The following DNAJC11 variants were observed in gnomAD, a reference collection of about 807,000 sequenced individuals.
DNAJC11 encodes dnaJ homolog subfamily C member 11.
Under a neutral mutation model 78.6 loss-of-function variants are expected in DNAJC11, and 15 were observed. The observed-to-expected ratio is 0.19, with a 90% CI of 0.13 to 0.29. DNAJC11 has a LOEUF of 0.29. Ranked by LOEUF, DNAJC11 falls within the 10% of genes least tolerant of loss-of-function variation. The pLI, the probability that DNAJC11 is intolerant of heterozygous loss-of-function variation, is 1.00. For missense variants in DNAJC11, 547 were observed against 709.6 expected (o/e 0.77, Z 2.60); for synonymous variants, 292 against 272.1 (o/e 1.07, Z -0.72).
At chr1:6,654,197 C>A (rs1363201809) in intron 4 of DNAJC11, 158 bp from the exon 5 acceptor site, 2 of 821,044 alleles carry the variant, frequency 2.4e-6, no homozygotes, top group Non-Finnish European at 3.7e-6. Flanking sequence ...GCCCACAAAG[C>A]ATGAATGTCA....
intron 3 of DNAJC11, 111 bp from the exon 4 acceptor site, chr1:6,667,921 G>C: frequency 1.0e-6 from 1 of 968,556 alleles, no homozygotes; most frequent in Admixed American, 2.0e-5. Flanking sequence ...CTGGGGTCCG[G>C]CCACAGCCTT....
chr1:6,670,886 T>C (rs376584691), intron 3 of DNAJC11: 3 of 152,340 alleles, frequency 2.0e-5, no homozygotes, highest in East Asian at 3.9e-4. Context: ...TTCCATTATC[T>C]TCTCAATCTC....
intron 3 of DNAJC11, among the ~76,000 whole-genome samples, chr1:6,669,689 G>A (rs2294528): frequency 0.3 from 44,831 of 151,930 alleles, 7,181 homozygotes; most frequent in South Asian, 0.47. Flanking sequence ...CGCACTGCAC[G>A]ATTTCTAAGG....
Position 6,634,235 on chromosome 1 carries a change from G to C in DNAJC11, c.*1440C>G, listed in dbSNP as rs1339830977. The C allele has an allele frequency of 8.9e-6, 8 of 903,824 alleles. No homozygotes were observed. Among genetic ancestry groups the C allele is most frequent in the Non-Finnish European group, 1.3e-5 (8 of 600,692 alleles). The allele number at this position is 903,824 out of a possible 1,614,324, so 56.0% of individuals were successfully genotyped here. On this transcript the variant is annotated 3_prime_UTR_variant, in exon 16 of 16. Transcript: ENST00000377577. ...CAGTCGACTGCAAATGAAACGCAGA[G>C]GATGGGTGCCCAGAAGCACCTGCGG...
At chr1:6,649,584 A>G (rs1416163954) in intron 7 of DNAJC11, among the ~76,000 whole-genome samples, 3 of 152,168 alleles carry the variant, frequency 2.0e-5, no homozygotes, top group Non-Finnish European at 4.4e-5. Flanking sequence ...CTGACCTGCA[A>G]GCCTGCCTGT....
rs577484527 is a variant in DNAJC11, at chr1:6,669,236, G to A, written c.277-1426C>T. On this transcript the variant is annotated intron_variant, in intron 3 of 15. Coordinates refer to ENST00000377577, the MANE Select transcript of DNAJC11 (RefSeq NM_018198.4). ...GAAAATAAGGTATTCGAGGCCTAGCGCAGTGACTCACACCTGTAATCCCAG... is the reference window on the plus strand; with the variant it reads ...GAAAATAAGGTATTCGAGGCCTAGCACAGTGACTCACACCTGTAATCCCAG... 1.2e-4 allele frequency among the ~76,000 whole-genome samples: 18 copies of A among 151,790 alleles called. No homozygotes were observed. In the East Asian group the frequency reaches 2.9e-3, roughly 25 times the overall value.
At chr1:6,686,672 G>C (rs1014374223) in intron 1 of DNAJC11, among the ~76,000 whole-genome samples, 5 of 152,230 alleles carry the variant, frequency 3.3e-5, no homozygotes, top group Non-Finnish European at 7.3e-5. Context: ...AGCAAGTGCA[G>C]TCCTACCATG....
chr1:6,655,869 C>T (rs995247916), intron 4 of DNAJC11, among the ~76,000 whole-genome samples: 13 of 151,392 alleles, frequency 8.6e-5, no homozygotes, highest in African/African-American at 2.9e-4. Context: ...TTTGGGAGGC[C>T]GAGGCAGGCG....
chr1:6,642,391 G>A (rs1157705894), intron 10 of DNAJC11, among the ~76,000 whole-genome samples: 1 of 152,220 alleles, frequency 6.6e-6, no homozygotes, highest in Non-Finnish European at 1.5e-5. Context: ...CAGTGAGGTT[G>A]AGAAATGGCG....
Position 6,645,100 on chromosome 1 carries a change from C to A in DNAJC11, c.921G>T (p.Leu307=). The part of the protein sequence containing the change: ...LQLGIPHSFA[L]ISYQHKFQDD... Reference sequence around the variant, plus strand: ...CTTGGAATTTGTGCTGATAGCTGATCAGTGCAAAGGAGTGAGGGATTCCCA... The same window carrying A: ...CTTGGAATTTGTGCTGATAGCTGATAAGTGCAAAGGAGTGAGGGATTCCCA... Residue 307 remains leucine (L), a synonymous_variant, in exon 9 of 16, where the codon CTG becomes CTT. Transcript: ENST00000377577. The surrounding 1 kb of genome is among the most constrained non-coding windows in gnomAD (Gnocchi z 4.1). The A allele has an allele frequency of 1.2e-6, 2 of 1,613,926 alleles. No individual in the cohort carries two copies. Among genetic ancestry groups the A allele is most frequent in the South Asian group, 2.2e-5 (2 of 91,010 alleles).
intron 1 of DNAJC11, among the ~76,000 whole-genome samples, chr1:6,694,530 A>G (rs1170791237): frequency 6.6e-6 from 1 of 152,142 alleles, no homozygotes; most frequent in Non-Finnish European, 1.5e-5. Context: ...ACTTCAGAGT[A>G]AATTCACTGG....
Position 6,653,060 on chromosome 1 carries a change from C to T in DNAJC11, c.508-109G>A. 1 of 1,304,594 alleles carries T rather than the reference C, an allele frequency of 7.7e-7. No individual in the cohort carries two copies. Among genetic ancestry groups the T allele is most frequent in the Non-Finnish European group, 1.1e-6 (1 of 927,700 alleles). The allele number at this position is 1,304,594 out of a possible 1,614,324, so 80.8% of individuals were successfully genotyped here. ...CCAAGGCCAAAGGTGCAGACGATTC[C>T]TCTGTTCAGAAGCACACATGGATGC... On this transcript the variant is annotated intron_variant, in intron 5 of 15. Transcript: ENST00000377577. The surrounding 1 kb of genome is among the most constrained non-coding windows in gnomAD (Gnocchi z 4.5).
intron 12 of DNAJC11, 134 bp from the exon 13 acceptor site, chr1:6,637,638 C>T: frequency 1.1e-6 from 1 of 951,596 alleles, no homozygotes; most frequent in Non-Finnish European, 1.6e-6. Context: ...GAGTGGGCAC[C>T]CTGACAGCTC....
At chr1:6,662,120 T>G (rs1642223560) in intron 4 of DNAJC11, among the ~76,000 whole-genome samples, 1 of 56,224 alleles carries the variant, frequency 1.8e-5, no homozygotes, top group Non-Finnish European at 4.5e-5. Flanking sequence ...CCCAGTTAAT[T>G]GTTTTTTGTT....
chr1:6,644,380 C>T (rs190468238), intron 10 of DNAJC11, among the ~76,000 whole-genome samples, 178 bp downstream of exon 10: 19 of 152,350 alleles, frequency 1.2e-4, no homozygotes, highest in Admixed American at 3.3e-4. Flanking sequence ...GCGATCCGGC[C>T]GCCTTGGCCT....
chr1:6,656,737 A>G (rs1642132676), intron 4 of DNAJC11, among the ~76,000 whole-genome samples: 1 of 151,318 alleles, frequency 6.6e-6, no homozygotes, highest in Non-Finnish European at 1.5e-5. Flanking sequence ...AAACCAAAAA[A>G]AAAAAAAAAA....
chr1:6,675,731 T>C (rs1642451113), intron 3 of DNAJC11, among the ~76,000 whole-genome samples: 1 of 152,140 alleles, frequency 6.6e-6, no homozygotes, highest in African/African-American at 2.4e-5. Context: ...CCCTATATAT[T>C]TGTATAACCA....
chr1:6,701,624 G>T, intron 1 of DNAJC11, 105 bp downstream of exon 1: 2 of 1,245,524 alleles, frequency 1.6e-6, no homozygotes, highest in South Asian at 1.4e-5. Context: ...CTCCCCGACG[G>T]ACCCGAGCCT....
chr1:6,663,815 T>G (rs1164638820), intron 4 of DNAJC11, among the ~76,000 whole-genome samples: 1 of 152,174 alleles, frequency 6.6e-6, no homozygotes, highest in African/African-American at 2.4e-5. Context: ...AACAGGTGAT[T>G]AGAGCTAAGG....
Sources: gnomAD v4.1 joint callset for allele counts (sites outside exome capture counted in the v4.1 genomes callset) on GRCh38, gnomAD v4.1.1 for gene constraint, Gnocchi (gnomAD v3.1) non-coding constraint, MANE v1.5 for transcripts, NCBI Gene and HGNC (gene_info 2026-07-23, HGNC 2026-07-21) for gene names.